Variants in CACNA2D4 observed in about 807,000 individuals in gnomAD.
CACNA2D4 encodes the protein voltage-dependent calcium channel subunit alpha-2/delta-4.
In CACNA2D4, 157 loss-of-function variants were observed where a neutral mutation model predicts 163.8. That is an observed-to-expected ratio of 0.96 (90% CI 0.84 to 1.09). The LOEUF is 1.09. CACNA2D4 is among the 50% of genes least tolerant of loss of function. The probability of loss-of-function intolerance (pLI) is 0.00; values close to 1 mark genes in which losing one functional copy is unlikely to be tolerated. For missense variants in CACNA2D4, 1,410 were observed against 1,479.9 expected, an observed-to-expected ratio of 0.95 and a Z score of 0.78; for synonymous variants, 598 against 586.9, an observed-to-expected ratio of 1.02 and a Z score of -0.27.
chr12:1,878,578 C>A lies in CACNA2D4; in HGVS notation c.1645-189G>T. On this transcript the variant is annotated intron_variant, in intron 15 of 37. Transcript: ENST00000382722. The surrounding 1 kb of genome is among the most constrained non-coding windows in gnomAD (Gnocchi z 4.6). ...ATTGAGGAGTCCTTTCCAAACCGGACTGTTTATAGCAACCGTCATCATACA... is the reference window on the plus strand; with the variant it reads ...ATTGAGGAGTCCTTTCCAAACCGGAATGTTTATAGCAACCGTCATCATACA... 2 of 1,040,272 alleles carry A rather than the reference C, an allele frequency of 1.9e-6. No individual in the cohort carries two copies. The highest frequency in any genetic ancestry group is 2.8e-5 in the South Asian group (2 of 72,036). 64.4% of individuals were successfully genotyped at this position (1,040,272 alleles called of 1,614,324 possible).
chr12:1,818,209 G>A (rs1006349681), intron 26 of CACNA2D4, among the ~76,000 whole-genome samples: 29 of 151,464 alleles, frequency 1.9e-4, no homozygotes, highest in East Asian at 3.9e-4. Flanking sequence ...GTCTCCGCCC[G>A]GCCGCCCCTA....
chr12:1,793,772 A>G lies in CACNA2D4; in HGVS notation c.3310-13T>C, dbSNP rs1863039190. 6.2e-7 allele frequency: 1 copy of G among 1,610,160 alleles called. No individual in the cohort carries two copies. Reference sequence around the variant, plus strand: ...CCTGGGCATTCTCCTGCGAACGCAGAGCAGAGGTGACAGCGCGGCGCTCAG... The same window carrying G: ...CCTGGGCATTCTCCTGCGAACGCAGGGCAGAGGTGACAGCGCGGCGCTCAG... On this transcript the variant is annotated splice_polypyrimidine_tract_variant and intron_variant, in intron 37 of 37. Coordinates refer to ENST00000382722, the MANE Select transcript of CACNA2D4 (RefSeq NM_172364.5).
At chr12:1,858,001 G>T (rs1215095378) in intron 20 of CACNA2D4, among the ~76,000 whole-genome samples, 1 of 152,192 alleles carries the variant, frequency 6.6e-6, no homozygotes, top group Non-Finnish European at 1.5e-5. Flanking sequence ...GCAGCTGCAA[G>T]ACGAGGAGCA....
chr12:1,883,144 C>T lies in CACNA2D4; in HGVS notation c.1352-144G>A. 13 of 971,498 alleles carry T rather than the reference C, an allele frequency of 1.3e-5. No individual in the cohort carries two copies. In the South Asian group the frequency reaches 1.8e-4, roughly 14 times the overall value. The allele number at this position is 971,498 out of a possible 1,614,324, so 60.2% of individuals were successfully genotyped here. A position where few individuals can be genotyped will look rare whatever the true frequency, so the allele number is the denominator to read the frequency against. ...ACCGGGGCACAGGGAGCTGCTTCCC[C>T]ACAGTTGTGTCCTTTACCCAGGGGC... is the stretch of plus-strand genomic sequence containing the variant. On this transcript the variant is annotated intron_variant, in intron 12 of 37. Coordinates refer to ENST00000382722, the MANE Select transcript of CACNA2D4 (RefSeq NM_172364.5). The surrounding 1 kb of genome is among the most constrained non-coding windows in gnomAD (Gnocchi z 4.5).
chr12:1,881,174 G>A (rs779375661), intron 13 of CACNA2D4, among the ~76,000 whole-genome samples: 34 of 152,218 alleles, frequency 2.2e-4, no homozygotes, highest in Non-Finnish European at 4.4e-4. Context: ...CTGGTTGCAG[G>A]GGGCGGTTCT....
chr12:1,857,888 C>T (rs1865434500), intron 20 of CACNA2D4, among the ~76,000 whole-genome samples: 4 of 152,198 alleles, frequency 2.6e-5, no homozygotes, highest in Admixed American at 2.6e-4. Context: ...AGGATAGGCC[C>T]TGATCCCATA....
intron 18 of CACNA2D4, among the ~76,000 whole-genome samples, chr12:1,870,571 C>G (rs374148115): frequency 1.3e-5 from 2 of 151,996 alleles, no homozygotes; most frequent in East Asian, 3.9e-4. Flanking sequence ...TCTCTTGATT[C>G]AAGGGTTGTT....
At chr12:1,848,168 C>T (rs78818134) in intron 23 of CACNA2D4, among the ~76,000 whole-genome samples, 336 of 152,328 alleles carry the variant, frequency 2.2e-3, no homozygotes, top group African/African-American at 7.8e-3. Context: ...TTCATCACCC[C>T]GGAAAGAAAC....
intron 31 of CACNA2D4, 192 bp from the exon 32 acceptor site, chr12:1,800,630 G>A (rs1362744061): frequency 3.2e-6 from 2 of 619,290 alleles, no homozygotes; most frequent in Non-Finnish European, 5.7e-6. Context: ...GCAGAGCTGA[G>A]CTAGCTGGGA....
In CACNA2D4 at chr12:1,811,846, G is replaced by C. The variant is rs935305541; in HGVS notation, c.2552-123C>G. ...AGGAGAGAGACCGCAGCGGATGGGA[G>C]GACTGAGTCAGAGGGCAGAGTGCAA... On this transcript the variant is annotated intron_variant, in intron 26 of 37. Transcript: ENST00000382722. 3 of 943,522 alleles carry C rather than the reference G, an allele frequency of 3.2e-6. No individual in the cohort carries two copies. The African/African-American group carries it at 5.0e-5, about 16-fold the overall frequency. 58.4% of individuals were successfully genotyped at this position (943,522 alleles called of 1,614,324 possible).
At chr12:1,819,058 C>T (rs1863991547) in intron 26 of CACNA2D4, among the ~76,000 whole-genome samples, 1 of 149,378 alleles carries the variant, frequency 6.7e-6, no homozygotes, top group East Asian at 2.0e-4. Context: ...TCCTGCACAA[C>T]ATGAGGGTGG....
chr12:1,886,236 A>G lies in CACNA2D4; in HGVS notation c.980T>C (p.Ile327Thr). Residue 327 changes from isoleucine (I) to threonine (T), a missense_variant, in exon 8 of 38, where the codon ATT becomes ACT. Coordinates refer to ENST00000382722, the MANE Select transcript of CACNA2D4 (RefSeq NM_172364.5). ...ILDTLGENDF[I>T]NIIAYNDYVH... ...AGGCACATTTACCGCTATGATATTAATGAAGTCATTCTCCCCCAGGGTGTC... is the reference window on the plus strand; with the variant it reads ...AGGCACATTTACCGCTATGATATTAGTGAAGTCATTCTCCCCCAGGGTGTC... 1.2e-6 allele frequency: 2 copies of G among 1,613,060 alleles called. No individual in the cohort carries two copies. Among genetic ancestry groups the G allele is most frequent in the Non-Finnish European group, 1.7e-6 (2 of 1,179,134 alleles).
At position 1,883,009 on chromosome 12, in the gene CACNA2D4, G is replaced by A. The variant is rs771094901; in HGVS notation, c.1352-9C>T. 1.9e-6 allele frequency: 3 copies of A among 1,611,102 alleles called. No homozygotes were observed. Among genetic ancestry groups the A allele is most frequent in the Non-Finnish European group, 2.5e-6 (3 of 1,178,740 alleles). ...GATCTGCGTGTAGTAGCCTGCGGTG[G>A]GGAAGGCCGCGTGGGTGTGGAAGGC... On this transcript the variant is annotated splice_polypyrimidine_tract_variant and intron_variant, in intron 12 of 37. Coordinates refer to ENST00000382722, the MANE Select transcript of CACNA2D4 (RefSeq NM_172364.5). The surrounding 1 kb of genome is among the most constrained non-coding windows in gnomAD (Gnocchi z 4.5).
intron 29 of CACNA2D4, among the ~76,000 whole-genome samples, chr12:1,804,996 C>T (rs1350081537): frequency 6.6e-6 from 1 of 152,246 alleles, no homozygotes; most frequent in Non-Finnish European, 1.5e-5. Flanking sequence ...AAGCGAAGGT[C>T]CAAACGTCGA....
intron 6 of CACNA2D4, among the ~76,000 whole-genome samples, chr12:1,890,238 T>C (rs1294147502): frequency 6.6e-6 from 1 of 152,094 alleles, no homozygotes; most frequent in African/African-American, 2.4e-5. Flanking sequence ...CTGGATCTCA[T>C]ACACCCCCAG....
chr12:1,793,679 C>T lies in CACNA2D4; in HGVS notation c.3390G>A (p.Gly1130=). The T allele has an allele frequency of 6.2e-7, 1 of 1,613,664 alleles. No individual in the cohort carries two copies. The highest frequency in any genetic ancestry group is 8.5e-7 in the Non-Finnish European group (1 of 1,179,724). ...PLLLLPVCAW[G]LLPQLLR ...GTCACCGCAGGAGTTGGGGCAGTAG[C>T]CCCCAGGCACACACAGGCAGCAGGA... The change falls in exon 38 of 38, where the codon GGG becomes GGA. Residue 1130 remains glycine (G), a synonymous_variant. Transcript: ENST00000382722.
At chr12:1,915,402 GAGA>G (rs1866947836) in intron 1 of CACNA2D4, among the ~76,000 whole-genome samples, 1 of 152,332 alleles carries the variant, frequency 6.6e-6, no homozygotes, top group South Asian at 2.1e-4. Context: ...ACTGAGAGGA[GAGA>G]AGGAGGGGAG....
At chr12:1,856,749 C>T (rs1298782215) in intron 20 of CACNA2D4, among the ~76,000 whole-genome samples, 1 of 152,206 alleles carries the variant, frequency 6.6e-6, no homozygotes, top group Admixed American at 6.5e-5. Context: ...ACAGAGCCAG[C>T]CTGATCTCAT....
intron 16 of CACNA2D4, among the ~76,000 whole-genome samples, chr12:1,876,775 A>C (rs890425744): frequency 3.3e-5 from 5 of 152,152 alleles, no homozygotes; most frequent in Non-Finnish European, 5.9e-5. Flanking sequence ...GCCATCTTTT[A>C]CATGGGATCT....
Sources: gnomAD v4.1 joint callset for allele counts (sites outside exome capture counted in the v4.1 genomes callset) on GRCh38, gnomAD v4.1.1 for gene constraint, Gnocchi (gnomAD v3.1) non-coding constraint, MANE v1.5 for transcripts, NCBI Gene and HGNC (gene_info 2026-07-23, HGNC 2026-07-21) for gene names.